The following KIF4A variants were observed in gnomAD, a reference collection of about 807,000 sequenced individuals.
KIF4A encodes the protein chromosome-associated kinesin KIF4A.
KIF4A carries 7 observed loss-of-function variants against 105.9 expected under a neutral mutation model. The ratio of observed to expected loss-of-function variants is 0.07; its 90% CI spans 0.04 to 0.12. The LOEUF is 0.12. Ranked by LOEUF, KIF4A falls within the 10% of genes least tolerant of loss-of-function variation. KIF4A has a pLI of 1.00. For missense variants in KIF4A, 558 were observed against 929.2 expected, an observed-to-expected ratio of 0.60 and a Z score of 5.19; for synonymous variants, 281 against 331.3, an observed-to-expected ratio of 0.85 and a Z score of 1.65.
At chrX:70,387,339 G>A in intron 20 of KIF4A, 42 bp downstream of exon 20, 2 of 965,768 alleles carry the variant, frequency 2.1e-6, no homozygotes, top group Non-Finnish European at 2.8e-6. Context: ...TGGACACTGG[G>A]AACAGGAAAA....
At chrX:70,299,664 T>G (rs1451622021) in intron 5 of KIF4A, among the ~76,000 whole-genome samples, 2 of 112,010 alleles carry the variant, frequency 1.8e-5, no homozygotes, top group Non-Finnish European at 3.8e-5. Context: ...ATGTATTTTC[T>G]TCTGGGTCAT....
chrX:70,385,300 A>G (rs1229657269), intron 18 of KIF4A, among the ~76,000 whole-genome samples: 1 of 111,776 alleles, frequency 8.9e-6, no homozygotes, highest in Admixed American at 9.5e-5. Context: ...AACTACTTAC[A>G]AGGGGATTAT....
intron 15 of KIF4A, among the ~76,000 whole-genome samples, chrX:70,372,237 G>T (rs2086141022): frequency 8.9e-6 from 1 of 112,364 alleles, no homozygotes; most frequent in Admixed American, 9.3e-5. Flanking sequence ...TTCCCAGACG[G>T]GGTGGCGGCC....
intron 3 of KIF4A, among the ~76,000 whole-genome samples, chrX:70,296,601 A>G (rs776924125): frequency 8.9e-6 from 1 of 112,485 alleles, no homozygotes; most frequent in African/African-American, 3.2e-5. Context: ...ACATGCCAGA[A>G]TCCTTTCTTT....
intron 15 of KIF4A, among the ~76,000 whole-genome samples, chrX:70,369,796 G>A (rs2086122836): frequency 9.0e-6 from 1 of 111,548 alleles, no homozygotes; most frequent in Non-Finnish European, 1.9e-5. Flanking sequence ...ACACACGTGT[G>A]TGTGTGTATA....
chrX:70,368,573 G>A (rs1318712590), intron 15 of KIF4A, among the ~76,000 whole-genome samples: 1 of 111,951 alleles, frequency 8.9e-6, no homozygotes, highest in Non-Finnish European at 1.9e-5. Context: ...GGATATTGGT[G>A]GACACCAAAT....
chrX:70,368,636 G>A (rs1002495031), intron 15 of KIF4A, among the ~76,000 whole-genome samples: 5 of 111,772 alleles, frequency 4.5e-5, no homozygotes, highest in Non-Finnish European at 7.5e-5. Flanking sequence ...GCACCCGGCC[G>A]TGTGAGGTGT....
intron 19 of KIF4A, 21 bp downstream of exon 19, chrX:70,386,722 A>G: frequency 9.3e-7 from 1 of 1,080,737 alleles, no homozygotes; most frequent in Non-Finnish European, 1.3e-6. Flanking sequence ...TCAATCTGCT[A>G]GGTCAAGTGT....
At chrX:70,344,721 G>C (rs2085985483) in intron 13 of KIF4A, among the ~76,000 whole-genome samples, 1 of 111,853 alleles carries the variant, frequency 8.9e-6, no homozygotes, top group Admixed American at 9.5e-5. Flanking sequence ...GATGCCTGGT[G>C]GTAATTCCTA....
chrX:70,402,185 A>C (rs917193381), intron 22 of KIF4A, among the ~76,000 whole-genome samples: 2 of 111,730 alleles, frequency 1.8e-5, no homozygotes, highest in African/African-American at 3.3e-5. Flanking sequence ...TCAAGTCTCC[A>C]ACCTGAATCT....
chrX:70,383,186 CA>C (rs372003538), intron 18 of KIF4A, among the ~76,000 whole-genome samples: 2,566 of 55,946 alleles, frequency 0.046, 31 homozygotes, highest in African/African-American at 0.066. Context: ...GACTCCATCT[CA>C]AAAAAAAAAA....
At chrX:70,338,592 C>A (rs1036280561) in intron 10 of KIF4A, among the ~76,000 whole-genome samples, 6 of 112,252 alleles carry the variant, frequency 5.3e-5, no homozygotes, top group African/African-American at 1.9e-4. Flanking sequence ...TTCATAAATA[C>A]TGCTGCTGCA....
rs770112763 is a variant in KIF4A at position 70,308,655 on chromosome X, G to T, written c.778+6257G>T. On this transcript the variant is annotated intron_variant, in intron 7 of 30. Transcript: ENST00000374403. The stretch of plus-strand genomic sequence containing the variant: ...GATGGAGTCTTGCTCTGTCATCCAG[G>T]CTGGAGTACAGTGGCACGATCTCGG... Among the ~76,000 whole-genome samples, 3 of 112,306 alleles carry T rather than the reference G, an allele frequency of 2.7e-5. No homozygotes were observed. In the South Asian group the frequency reaches 1.1e-3, roughly 42 times the overall value.
chrX:70,339,040 A>G (rs2147696448), intron 10 of KIF4A, among the ~76,000 whole-genome samples: 1 of 103,888 alleles, frequency 9.6e-6, no homozygotes, highest in East Asian at 3.0e-4. Context: ...AGCCAAGACC[A>G]CGCCACTGCA....
chrX:70,388,062 A>G (rs1260788338), intron 20 of KIF4A, among the ~76,000 whole-genome samples: 1 of 110,410 alleles, frequency 9.1e-6, no homozygotes, highest in Non-Finnish European at 1.9e-5. Flanking sequence ...CATTTCATAT[A>G]TATTTCTTTA....
chrX:70,380,946 C>T (rs759650928), intron 18 of KIF4A, among the ~76,000 whole-genome samples: 2 of 110,606 alleles, frequency 1.8e-5, no homozygotes, highest in South Asian at 7.7e-4. Flanking sequence ...GCCAGGAGTT[C>T]GAGACCAGCC....
chrX:70,310,863 C>T (rs1251757343), intron 7 of KIF4A, among the ~76,000 whole-genome samples: 2 of 111,321 alleles, frequency 1.8e-5, no homozygotes, highest in Non-Finnish European at 3.8e-5. Context: ...CAGAGGCTCA[C>T]ACCTATAATC....
At chrX:70,383,668 T>C (rs2086206587) in intron 18 of KIF4A, among the ~76,000 whole-genome samples, 1 of 111,893 alleles carries the variant, frequency 8.9e-6, no homozygotes, top group African/African-American at 3.2e-5. Flanking sequence ...GTAAATAAAA[T>C]GTGGTCTATC....
chrX:70,332,347 G>A (rs1290829739), intron 9 of KIF4A, among the ~76,000 whole-genome samples: 1 of 111,664 alleles, frequency 9.0e-6, no homozygotes, highest in Non-Finnish European at 1.9e-5. Context: ...AATGTGTCTT[G>A]TAAGCCAAAT....
Sources: allele counts gnomAD v4.1 joint callset (sites outside exome capture counted in the v4.1 genomes callset), GRCh38; gene constraint gnomAD v4.1.1; transcripts MANE v1.5; gene names NCBI Gene and HGNC (gene_info 2026-07-23, HGNC 2026-07-21).